Variants in ABLIM3 observed in about 807,000 individuals in gnomAD.
ABLIM3 encodes actin-binding LIM protein 3.
ABLIM3 carries 61 observed loss-of-function variants against 109.5 expected under a neutral mutation model. The ratio of observed to expected loss-of-function variants is 0.56; its 90% confidence interval spans 0.45 to 0.69. The LOEUF is 0.69. ABLIM3 is among the 30% of genes least tolerant of loss of function. The pLI is 0.00. For synonymous variants in ABLIM3, 300 were observed against 324.8 expected, an observed-to-expected ratio of 0.92 and a Z score of 0.82; for missense variants, 796 against 889.5, an observed-to-expected ratio of 0.89 and a Z score of 1.34.
In ABLIM3 at chr5:149,198,458, G is replaced by A. The variant is rs990382815; in HGVS notation, c.335+56G>A. ...CTCTGCATAAGCCCCCGGGGCAGGGGAAGACCTGGCTTTTTCCAGGAAGTT... is the reference window on the plus strand; with the variant it reads ...CTCTGCATAAGCCCCCGGGGCAGGGAAAGACCTGGCTTTTTCCAGGAAGTT... On this transcript the variant is annotated intron_variant, in intron 4 of 23. Transcript: ENST00000309868. The surrounding 1 kb of genome is among the most constrained non-coding windows in gnomAD (Gnocchi z 4.2). The A allele has an allele frequency of 3.3e-6, 5 of 1,513,664 alleles. No homozygotes were observed. The highest frequency in any genetic ancestry group is 4.4e-6 in the Non-Finnish European group (5 of 1,133,460). The allele number at this position is 1,513,664 out of a possible 1,614,324, so 93.8% of individuals were successfully genotyped here.
chr5:149,181,046 G>C (rs1389089574), intron 2 of ABLIM3, among the ~76,000 whole-genome samples: 2 of 152,234 alleles, frequency 1.3e-5, no homozygotes, highest in Non-Finnish European at 2.9e-5. Context: ...TGGAGGGACT[G>C]TTGGAGACTT....
At chr5:149,248,692 A>ATC in intron 18 of ABLIM3, among the ~76,000 whole-genome samples, 1 of 149,404 alleles carries the variant, frequency 6.7e-6, no homozygotes, top group Admixed American at 6.6e-5. Context: ...TCTCTCTCAA[A>ATC]AAAAAAAAAA....
chr5:149,228,682 T>C (rs1231663639), intron 8 of ABLIM3, among the ~76,000 whole-genome samples: 2 of 152,240 alleles, frequency 1.3e-5, no homozygotes, highest in African/African-American at 2.4e-5. Context: ...AGCTACCAAC[T>C]AACTTTTTTT....
chr5:149,250,600 G>A, intron 20 of ABLIM3, 95 bp downstream of exon 20: 1 of 1,430,732 alleles, frequency 7.0e-7, no homozygotes, highest in Non-Finnish European at 9.7e-7. Context: ...CTGAGCAAAG[G>A]TCCTGGGGCT....
chr5:149,221,527 T>C (rs1760652035), intron 8 of ABLIM3, among the ~76,000 whole-genome samples: 2 of 152,188 alleles, frequency 1.3e-5, no homozygotes, highest in South Asian at 2.1e-4. Flanking sequence ...CTGACGTCTG[T>C]CTGGAGGAGA....
chr5:149,144,058 A>G (rs538036672), intron 2 of ABLIM3, among the ~76,000 whole-genome samples: 2 of 152,334 alleles, frequency 1.3e-5, no homozygotes, highest in Admixed American at 6.5e-5. Flanking sequence ...GAAACAGACT[A>G]TCCTTCTTTT....
chr5:149,248,071 G>T (rs184311929), intron 18 of ABLIM3, 142 bp downstream of exon 18: 9 of 1,090,854 alleles, frequency 8.3e-6, no homozygotes, highest in Non-Finnish European at 1.2e-5. Context: ...GCAGCCCTGT[G>T]GTGGGTGACT....
chr5:149,153,377 A>G (rs1412832485), intron 2 of ABLIM3, among the ~76,000 whole-genome samples: 1 of 151,956 alleles, frequency 6.6e-6, no homozygotes, highest in African/African-American at 2.4e-5. Flanking sequence ...CATGACTTGA[A>G]CTCTTCCCCT....
chr5:149,161,909 T>A (rs1288044516), intron 2 of ABLIM3, among the ~76,000 whole-genome samples: 2 of 152,016 alleles, frequency 1.3e-5, no homozygotes, highest in Non-Finnish European at 2.9e-5. Context: ...TGTGTGTATG[T>A]GTATGTGTGT....
intron 2 of ABLIM3, chr5:149,177,053 A>C (rs1755999792): frequency 6.6e-6 from 1 of 152,168 alleles, no homozygotes; most frequent in African/African-American, 2.4e-5. Context: ...AAACCGCTGG[A>C]CCAATTCAGC....
At chr5:149,166,784 T>G (rs4516842) in intron 2 of ABLIM3, among the ~76,000 whole-genome samples, 84,807 of 152,092 alleles carry the variant, frequency 0.56, 23,880 homozygotes, top group Admixed American at 0.68. Flanking sequence ...GACTTTGCAG[T>G]CATGTGGTCT....
At chr5:149,195,759 G>A (rs760343152) in intron 3 of ABLIM3, among the ~76,000 whole-genome samples, 1 of 152,218 alleles carries the variant, frequency 6.6e-6, no homozygotes, top group African/African-American at 2.4e-5. Flanking sequence ...TTGCCTGCTC[G>A]TGAGACCAGA....
At chr5:149,250,418 T>G (rs1482231567) in intron 19 of ABLIM3, 29 bp from the exon 20 acceptor site, 2 of 1,613,184 alleles carry the variant, frequency 1.2e-6, no homozygotes, top group South Asian at 2.2e-5. Context: ...TTGGGACTCC[T>G]GATAATTGCT....
intron 5 of ABLIM3, among the ~76,000 whole-genome samples, chr5:149,202,119 T>C (rs545514410): frequency 1.3e-5 from 2 of 152,344 alleles, no homozygotes; most frequent in South Asian, 4.1e-4. Context: ...GGGTCGGTTG[T>C]TATTTCCCCT....
At chr5:149,237,897 C>T (rs1391763091) in intron 11 of ABLIM3, among the ~76,000 whole-genome samples, 1 of 152,168 alleles carries the variant, frequency 6.6e-6, no homozygotes, top group Non-Finnish European at 1.5e-5. Context: ...TCCCCCGACT[C>T]CCTGTTAATC....
Position 149,259,304 on chromosome 5 carries a change from ATTC to A in ABLIM3, c.*903_*905del, listed in dbSNP as rs1164008514. On this transcript the variant is annotated 3_prime_UTR_variant, in exon 24 of 24. Transcript: ENST00000309868. ...GGAGAAGCCCATGATTGCAGCTTGTATTCTTTAGCCTTATTACAATCTATGTGC... is the reference window on the plus strand; with the variant it reads ...GGAGAAGCCCATGATTGCAGCTTGTATTTAGCCTTATTACAATCTATGTGC... 7.2e-7 allele frequency: 1 copy of A among 1,385,080 alleles called. No homozygotes were observed. Among genetic ancestry groups the A allele is most frequent in the Non-Finnish European group, 9.3e-7 (1 of 1,070,332 alleles). 85.8% of individuals were successfully genotyped at this position (1,385,080 alleles called of 1,614,324 possible).
At chr5:149,214,529 G>T (rs1472481828) in intron 7 of ABLIM3, among the ~76,000 whole-genome samples, 1 of 152,146 alleles carries the variant, frequency 6.6e-6, no homozygotes, top group Non-Finnish European at 1.5e-5. Context: ...TCATTGGTGG[G>T]GTCAGCACTA....
chr5:149,203,514 T>G (rs1758679956), intron 5 of ABLIM3, among the ~76,000 whole-genome samples: 1 of 151,664 alleles, frequency 6.6e-6, no homozygotes, highest in Non-Finnish European at 1.5e-5. Context: ...TCACCAACAC[T>G]GTGTCTCCAA....
intron 8 of ABLIM3, among the ~76,000 whole-genome samples, chr5:149,222,328 C>T (rs1260928865): frequency 6.6e-6 from 1 of 152,070 alleles, no homozygotes. Context: ...GAGCATACGC[C>T]ACTTAGCCAA....
Sources: allele counts gnomAD v4.1 joint callset (sites outside exome capture counted in the v4.1 genomes callset), GRCh38; gene constraint gnomAD v4.1.1; non-coding constraint Gnocchi (gnomAD v3.1); transcripts MANE v1.5; gene names NCBI Gene and HGNC (gene_info 2026-07-23, HGNC 2026-07-21).